Variants in ST8SIA6 observed in about 807,000 individuals in gnomAD.
ST8SIA6 encodes alpha-2,8-sialyltransferase 8F.
A neutral mutation model predicts 33.6 loss-of-function variants in ST8SIA6; 39 were observed. The observed-to-expected ratio is 1.16, with a 90% confidence interval of 0.90 to 1.52. The LOEUF (loss-of-function observed/expected upper bound fraction) is 1.52. Among genes scored for constraint, ST8SIA6 ranks in the 40% most tolerant of loss-of-function variants. The pLI, the probability that ST8SIA6 is intolerant of heterozygous loss-of-function variation, is 0.00. For missense variants in ST8SIA6, 441 were observed against 443.8 expected (o/e 0.99, Z 0.06); for synonymous variants, 172 against 167.2 (o/e 1.03, Z -0.22).
At chr10:17,353,722 T>G (rs1245814124) in intron 4 of ST8SIA6, among the ~76,000 whole-genome samples, 1 of 152,202 alleles carries the variant, frequency 6.6e-6, no homozygotes, top group African/African-American at 2.4e-5. Flanking sequence ...ATTTGAAAGG[T>G]ATCTCATTTG....
chr10:17,372,703 G>A (rs2131633972), intron 3 of ST8SIA6, among the ~76,000 whole-genome samples: 1 of 152,300 alleles, frequency 6.6e-6, no homozygotes, highest in South Asian at 2.1e-4. Flanking sequence ...TATGAACTGA[G>A]TAATGGGTTA....
chr10:17,378,678 T>C (rs1850001172), intron 3 of ST8SIA6, among the ~76,000 whole-genome samples: 1 of 152,130 alleles, frequency 6.6e-6, no homozygotes, highest in Non-Finnish European at 1.5e-5. Flanking sequence ...GCATCTCCAA[T>C]GCGTGAACTA....
At chr10:17,333,671 G>GGATAGATATATATATATA (rs1198999693) in intron 4 of ST8SIA6, among the ~76,000 whole-genome samples, 2 of 44,598 alleles carry the variant, frequency 4.5e-5, no homozygotes, top group African/African-American at 1.3e-4. Context: ...AATGGTGCTG[G>GGATAGATATATATATATA]GATATATATA....
At chr10:17,404,572 C>G (rs1851178940) in intron 2 of ST8SIA6, among the ~76,000 whole-genome samples, 1 of 152,178 alleles carries the variant, frequency 6.6e-6, no homozygotes, top group Non-Finnish European at 1.5e-5. Flanking sequence ...TAATATCTGA[C>G]CATCTTTGAT....
At chr10:17,340,133 T>G (rs938021409) in intron 4 of ST8SIA6, among the ~76,000 whole-genome samples, 1 of 152,226 alleles carries the variant, frequency 6.6e-6, no homozygotes, top group Non-Finnish European at 1.5e-5. Context: ...AGAATCAGTA[T>G]GTCGATATGT....
chr10:17,409,266 A>T (rs1392287182), intron 2 of ST8SIA6: 2 of 152,682 alleles, frequency 1.3e-5, no homozygotes, highest in Non-Finnish European at 2.9e-5. Flanking sequence ...TTCTCTTACA[A>T]TCTGCAAGTC....
At chr10:17,373,779 T>C (rs942041740) in intron 3 of ST8SIA6, among the ~76,000 whole-genome samples, 2 of 152,232 alleles carry the variant, frequency 1.3e-5, no homozygotes, top group Non-Finnish European at 2.9e-5. Flanking sequence ...TGATTATTTT[T>C]ATTACCATGG....
At chr10:17,370,240 C>G (rs1849689246) in intron 3 of ST8SIA6, among the ~76,000 whole-genome samples, 1 of 152,212 alleles carries the variant, frequency 6.6e-6, no homozygotes. Flanking sequence ...GTCTCGGCCT[C>G]TCGAAGTGCT....
chr10:17,362,703 AG>A (rs1849431032), intron 3 of ST8SIA6, among the ~76,000 whole-genome samples: 1 of 152,054 alleles, frequency 6.6e-6, no homozygotes, highest in Non-Finnish European at 1.5e-5. Context: ...TCATTAACCT[AG>A]GAAATGCATT....
intron 2 of ST8SIA6, among the ~76,000 whole-genome samples, chr10:17,440,656 C>G (rs1852449752): frequency 6.6e-6 from 1 of 152,164 alleles, no homozygotes; most frequent in Non-Finnish European, 1.5e-5. Flanking sequence ...CTCCTCTAAC[C>G]CTACCCCAGG....
chr10:17,336,304 T>C (rs571769311), intron 4 of ST8SIA6, among the ~76,000 whole-genome samples: 8 of 152,218 alleles, frequency 5.3e-5, no homozygotes, highest in African/African-American at 1.9e-4. Flanking sequence ...TTTCCAAACC[T>C]GTAGGAAAGT....
At chr10:17,435,983 A>G (rs1268819031) in intron 2 of ST8SIA6, among the ~76,000 whole-genome samples, 1 of 152,198 alleles carries the variant, frequency 6.6e-6, no homozygotes, top group Non-Finnish European at 1.5e-5. Context: ...CATTCCGCAC[A>G]TAGCACCTGT....
Position 17,315,837 on chromosome 10 carries a change from G to A in ST8SIA6, c.*5041C>T, listed in dbSNP as rs145225758. Among the ~76,000 whole-genome samples the A allele has an allele frequency of 7.9e-5, 12 of 152,020 alleles. No homozygotes were observed. Among genetic ancestry groups the A allele is most frequent in the African/African-American group, 2.6e-4 (11 of 41,524 alleles). The stretch of plus-strand genomic sequence containing the variant: ...ATACATTGTCTTAATTGGAGAGACG[G>A]TTTCATGGGTATATGCATGTACATA... On this transcript the variant is annotated 3_prime_UTR_variant, in exon 8 of 8. Transcript: ENST00000377602.
chr10:17,319,159 G>C lies in ST8SIA6; in HGVS notation c.*1719C>G, dbSNP rs530650484. ...ACAATGAATGTGTCTAAATATGACA[G>C]ATTATGGATATCGATAATACACCAC... On this transcript the variant is annotated 3_prime_UTR_variant, in exon 8 of 8. Transcript: ENST00000377602. 5.9e-5 allele frequency among the ~76,000 whole-genome samples: 9 copies of C among 152,320 alleles called. No individual in the cohort carries two copies. The South Asian group carries it at 1.9e-3, about 32-fold the overall frequency.
chr10:17,342,904 G>A (rs780665746), intron 4 of ST8SIA6, among the ~76,000 whole-genome samples: 15 of 152,110 alleles, frequency 9.9e-5, no homozygotes, highest in Admixed American at 2.0e-4. Flanking sequence ...AGCTGAGATC[G>A]CGCCACCATG....
intron 3 of ST8SIA6, 141 bp downstream of exon 3, chr10:17,390,390 A>G: frequency 1.5e-6 from 1 of 676,318 alleles, no homozygotes; most frequent in Non-Finnish European, 2.5e-6. Flanking sequence ...CATCATGCTC[A>G]TTAACAGGAG....
At chr10:17,341,657 T>A (rs1387809698) in intron 4 of ST8SIA6, among the ~76,000 whole-genome samples, 1 of 151,414 alleles carries the variant, frequency 6.6e-6, no homozygotes, top group Non-Finnish European at 1.5e-5. Flanking sequence ...TCCCAGCGCT[T>A]TGGGAGGCTG....
intron 3 of ST8SIA6, among the ~76,000 whole-genome samples, chr10:17,383,444 G>A (rs1039682521): frequency 1.3e-5 from 2 of 152,044 alleles, no homozygotes; most frequent in African/African-American, 4.8e-5. Context: ...CAAAATTATG[G>A]GAAACTCCTG....
chr10:17,368,407 C>CAAAAAAAAAAAAAA lies in ST8SIA6; in HGVS notation c.291-8821_291-8808dup, dbSNP rs200826980. 4.9e-3 allele frequency among the ~76,000 whole-genome samples: 351 copies of CAAAAAAAAAAAAAA among 72,154 alleles called. 14 individuals are homozygous for CAAAAAAAAAAAAAA. The highest frequency in any genetic ancestry group is 9.1e-3 in the Middle Eastern group (1 of 110). 47.3% of individuals were successfully genotyped at this position (72,154 alleles called of 152,430 possible). On this transcript the variant is annotated intron_variant, in intron 3 of 7. Transcript: ENST00000377602. Reference sequence around the variant, plus strand: ...GGGCAACAAGAGTGAAGCTCTGTCTCAAAAAAAAAAAAAAAAAAAAAAAAA... The same window carrying CAAAAAAAAAAAAAA: ...GGGCAACAAGAGTGAAGCTCTGTCTCAAAAAAAAAAAAAAAAAAAAAAAAAAAAAAAAAAAAAAA...
Sources: allele counts gnomAD v4.1 joint callset (sites outside exome capture counted in the v4.1 genomes callset), GRCh38; gene constraint gnomAD v4.1.1; transcripts MANE v1.5; gene names NCBI Gene and HGNC (gene_info 2026-07-23, HGNC 2026-07-21).